The following RAB27B variants were observed in gnomAD, a reference collection of about 807,000 sequenced individuals.
The protein encoded by RAB27B is ras-related protein Rab-27B.
In RAB27B, 15 loss-of-function variants were observed where a neutral mutation model predicts 24.6. The observed-to-expected ratio is 0.61, with a 90% CI of 0.41 to 0.94. RAB27B has a LOEUF of 0.94. RAB27B is among the 40% of genes least tolerant of loss of function. RAB27B has a pLI of 0.00. For synonymous variants in RAB27B, 105 were observed against 92.5 expected, an observed-to-expected ratio of 1.14 and a Z score of -0.78; for missense variants, 261 against 266.8, an observed-to-expected ratio of 0.98 and a Z score of 0.15.
In RAB27B at chr18:54,893,581, G is replaced by A. The variant is rs1159894985; in HGVS notation, c.*4168G>A. 6.6e-6 allele frequency: 1 copy of A among 152,012 alleles called. No individual in the cohort carries two copies. The highest frequency in any genetic ancestry group is 1.5e-5 in the Non-Finnish European group (1 of 67,950). The allele number at this position is 152,012 out of a possible 1,614,324, so 9.4% of individuals were successfully genotyped here. A position where few individuals can be genotyped will look rare whatever the true frequency, so the allele number is the denominator to read the frequency against. On this transcript the variant is annotated 3_prime_UTR_variant, in exon 6 of 6. Transcript: ENST00000262094. ...ATGTCAGCTTATTTCTGGGGAAGGTGTTGAGCTCTTATACATGAAAATGGA... is the reference window on the plus strand; with the variant it reads ...ATGTCAGCTTATTTCTGGGGAAGGTATTGAGCTCTTATACATGAAAATGGA...
chr18:54,722,733 G>A (rs778516846), intron 2 of RAB27B, among the ~76,000 whole-genome samples: 2 of 152,152 alleles, frequency 1.3e-5, no homozygotes, highest in Non-Finnish European at 2.9e-5. Flanking sequence ...ACACAAACAT[G>A]CACATGTATT....
chr18:54,884,135 G>A (rs954762322), intron 3 of RAB27B, among the ~76,000 whole-genome samples, 198 bp from the exon 4 acceptor site: 21 of 151,356 alleles, frequency 1.4e-4, no homozygotes, highest in African/African-American at 5.1e-4. Context: ...CCAGGAAGTG[G>A]TCTTAAAAAA....
At chr18:54,741,038 CGG>C (rs1910818898) in intron 2 of RAB27B, among the ~76,000 whole-genome samples, 1 of 152,002 alleles carries the variant, frequency 6.6e-6, no homozygotes, top group South Asian at 2.1e-4. Flanking sequence ...GCATTTATTC[CGG>C]AAGTCATGGA....
intron 2 of RAB27B, among the ~76,000 whole-genome samples, chr18:54,754,145 A>C (rs1907925705): frequency 6.8e-6 from 1 of 147,948 alleles, no homozygotes; most frequent in Admixed American, 6.7e-5. Context: ...AGGTGATTGC[A>C]TCGTAAGGGC....
intron 2 of RAB27B, among the ~76,000 whole-genome samples, chr18:54,750,823 G>A (rs73959272): frequency 0.064 from 9,708 of 152,278 alleles, 395 homozygotes; most frequent in African/African-American, 0.091. Flanking sequence ...GAAACAAGGT[G>A]CCATTTTCTG....
chr18:54,830,227 T>C (rs576249051), intron 1 of RAB27B, among the ~76,000 whole-genome samples: 11 of 152,348 alleles, frequency 7.2e-5, no homozygotes, highest in African/African-American at 2.6e-4. Flanking sequence ...CAGTTTACAC[T>C]ACAACTGTAT....
chr18:54,784,010 AG>A (rs1909001723), intron 2 of RAB27B, among the ~76,000 whole-genome samples: 1 of 152,172 alleles, frequency 6.6e-6, no homozygotes, highest in South Asian at 2.1e-4. Context: ...AAGAAATGAG[AG>A]GGAGACAGTT....
At chr18:54,822,609 CTATATT>C (rs1346162974) in intron 2 of RAB27B, among the ~76,000 whole-genome samples, 3 of 152,086 alleles carry the variant, frequency 2.0e-5, no homozygotes, top group Non-Finnish European at 2.9e-5. Flanking sequence ...TAATAAATGA[CTATATT>C]TATGTATGTG....
chr18:54,785,335 C>T (rs1490293458), intron 2 of RAB27B, among the ~76,000 whole-genome samples: 1 of 151,530 alleles, frequency 6.6e-6, no homozygotes, highest in African/African-American at 2.4e-5. Flanking sequence ...CTCCTGACCT[C>T]AAATGATCTG....
At chr18:54,761,065 A>G (rs1290461403) in intron 2 of RAB27B, among the ~76,000 whole-genome samples, 1 of 151,290 alleles carries the variant, frequency 6.6e-6, no homozygotes, top group African/African-American at 2.4e-5. Flanking sequence ...GGGATAATTT[A>G]TAGTATTTCA....
chr18:54,841,153 GC>G (rs1416233292), intron 1 of RAB27B, among the ~76,000 whole-genome samples: 5 of 117,146 alleles, frequency 4.3e-5, no homozygotes, highest in Non-Finnish European at 9.6e-5. Context: ...TCTTTGGGTG[GC>G]GGGGCGGTGG....
At chr18:54,757,248 C>A (rs1908034137) in intron 2 of RAB27B, among the ~76,000 whole-genome samples, 1 of 152,050 alleles carries the variant, frequency 6.6e-6, no homozygotes, top group Non-Finnish European at 1.5e-5. Flanking sequence ...CCCTGGGAGC[C>A]CATGGATTCC....
At chr18:54,728,901 C>A (rs12959495) in intron 2 of RAB27B, among the ~76,000 whole-genome samples, 1,034 of 23,796 alleles carry the variant, frequency 0.043, 4 homozygotes, top group Middle Eastern at 0.11. Context: ...AAAAAAAAAA[C>A]CCAAAAAAAA....
intron 1 of RAB27B, among the ~76,000 whole-genome samples, chr18:54,876,128 C>A (rs979548450): frequency 1.3e-4 from 19 of 151,906 alleles, no homozygotes; most frequent in African/African-American, 4.6e-4. Flanking sequence ...CACAAGGCAG[C>A]CGGAGAGAGA....
intron 2 of RAB27B, among the ~76,000 whole-genome samples, chr18:54,724,878 G>A (rs1909480510): frequency 6.6e-6 from 1 of 151,532 alleles, no homozygotes; most frequent in Admixed American, 6.6e-5. Context: ...TATTTTGTTT[G>A]GTGAACAGAA....
chr18:54,878,276 G>A (rs1912785269), intron 2 of RAB27B, among the ~76,000 whole-genome samples: 1 of 152,158 alleles, frequency 6.6e-6, no homozygotes, highest in South Asian at 2.1e-4. Flanking sequence ...GAGAGTTTAA[G>A]TGAGAATCAC....
At chr18:54,743,749 G>C (rs1252089238) in intron 2 of RAB27B, among the ~76,000 whole-genome samples, 2 of 152,202 alleles carry the variant, frequency 1.3e-5, no homozygotes, top group East Asian at 3.9e-4. Flanking sequence ...AGTGGACAGA[G>C]CGAATCAGCT....
intron 2 of RAB27B, among the ~76,000 whole-genome samples, chr18:54,726,665 T>C (rs1909546996): frequency 6.6e-6 from 1 of 151,694 alleles, no homozygotes; most frequent in Non-Finnish European, 1.5e-5. Flanking sequence ...GTAATAATAC[T>C]GGAGGAAACA....
In RAB27B at chr18:54,864,264, T is replaced by C. The variant is rs542329122; in HGVS notation, c.-19-13303T>C. Among the ~76,000 whole-genome samples the C allele has an allele frequency of 3.3e-5, 5 of 152,322 alleles. No homozygotes were observed. In the South Asian group the frequency reaches 1.0e-3, roughly 32 times the overall value. On this transcript the variant is annotated intron_variant, in intron 1 of 5. Transcript: ENST00000262094. ...CATACTTTTCTAATAACTAATGCTG[T>C]TTTGTCTTCTTTTCACGTACCATTT...
Sources: gnomAD v4.1 joint callset for allele counts (sites outside exome capture counted in the v4.1 genomes callset) on GRCh38, gnomAD v4.1.1 for gene constraint, MANE v1.5 for transcripts, NCBI Gene and HGNC (gene_info 2026-07-23, HGNC 2026-07-21) for gene names.